The following OR6C74 variants were observed in gnomAD, a reference collection of about 807,000 sequenced individuals.
The protein encoded by OR6C74 is olfactory receptor family 6 subfamily C member 74, also known as olfactory receptor 6C74.
For synonymous variants in OR6C74, 142 were observed against 134.2 expected (o/e 1.06, Z -0.40); for missense variants, 361 against 362.9 (o/e 0.99, Z 0.04).
rs1408874148 is a variant in OR6C74 at position 55,254,383 on chromosome 12, A to G, written c.*6157A>G. Reference sequence around the variant, plus strand: ...TTATATTTACATATATGAAATACATACACACATATATGTAATTCCCAGTTG... The same window carrying G: ...TTATATTTACATATATGAAATACATGCACACATATATGTAATTCCCAGTTG... On this transcript the variant is annotated 3_prime_UTR_variant, in exon 2 of 2. Coordinates refer to ENST00000343399, the MANE Select transcript of OR6C74 (RefSeq NM_001005490.2). Among the ~76,000 whole-genome samples the G allele has an allele frequency of 6.6e-6, 1 of 152,142 alleles. No individual in the cohort carries two copies. The highest frequency in any genetic ancestry group is 2.4e-5 in the African/African-American group (1 of 41,456).
At position 55,248,321 on chromosome 12, in the gene OR6C74, A is replaced by C; in HGVS notation, c.*95A>C. The C allele has an allele frequency of 1.4e-6, 1 of 735,452 alleles. No individual in the cohort carries two copies. Among genetic ancestry groups the C allele is most frequent in the Non-Finnish European group, 2.2e-6 (1 of 461,464 alleles). The allele number at this position is 735,452 out of a possible 1,614,324, so 45.6% of individuals were successfully genotyped here. ...TTCAATGTTTGTATTCAATAATATTACCTCTTTTTTGACTTATAATTTTCA... is the reference window on the plus strand; with the variant it reads ...TTCAATGTTTGTATTCAATAATATTCCCTCTTTTTTGACTTATAATTTTCA... On this transcript the variant is annotated 3_prime_UTR_variant, in exon 2 of 2. Transcript: ENST00000343399.
At position 55,249,928 on chromosome 12, in the gene OR6C74, C is replaced by G. The variant is rs1167240828; in HGVS notation, c.*1702C>G. On this transcript the variant is annotated 3_prime_UTR_variant, in exon 2 of 2. Coordinates refer to ENST00000343399, the MANE Select transcript of OR6C74 (RefSeq NM_001005490.2). Reference sequence around the variant, plus strand: ...CTCTCCCCCCACCTCACAGCAGGCCCCGGTGTGTGATGTTCGCCTTCCTGT... The same window carrying G: ...CTCTCCCCCCACCTCACAGCAGGCCGCGGTGTGTGATGTTCGCCTTCCTGT... Among the ~76,000 whole-genome samples, 1 of 152,016 alleles carries G rather than the reference C, an allele frequency of 6.6e-6. No homozygotes were observed. The highest frequency in any genetic ancestry group is 1.5e-5 in the Non-Finnish European group (1 of 68,000).
rs1025952057 is a variant in OR6C74 at position 55,254,201 on chromosome 12, T to C, written c.*5975T>C. ...CTTCATTTCAAACCAGTGGTTACAATACTTTTTAAAGCTGCTAGCAAATAC... is the reference window on the plus strand; with the variant it reads ...CTTCATTTCAAACCAGTGGTTACAACACTTTTTAAAGCTGCTAGCAAATAC... On this transcript the variant is annotated 3_prime_UTR_variant, in exon 2 of 2. Transcript: ENST00000343399. Among the ~76,000 whole-genome samples the C allele has an allele frequency of 6.6e-6, 1 of 152,086 alleles. No individual in the cohort carries two copies. Among genetic ancestry groups the C allele is most frequent in the Non-Finnish European group, 1.5e-5 (1 of 67,960 alleles).
chr12:55,248,269 A>T lies in OR6C74; in HGVS notation c.*43A>T. The T allele has an allele frequency of 7.8e-7, 1 of 1,287,184 alleles. No homozygotes were observed. Among genetic ancestry groups the T allele is most frequent in the East Asian group, 2.4e-5 (1 of 41,586 alleles). The allele number at this position is 1,287,184 out of a possible 1,614,324, so 79.7% of individuals were successfully genotyped here. On this transcript the variant is annotated 3_prime_UTR_variant, in exon 2 of 2. Transcript: ENST00000343399. ...ATTAAGGTTATTAGTAAAATAAAAC[A>T]AGAAGAGTGGAGTATGTGCAAAGTT...
rs1954317983 is a variant in OR6C74 at position 55,252,516 on chromosome 12, T to A, written c.*4290T>A. Among the ~76,000 whole-genome samples the A allele has an allele frequency of 6.6e-6, 1 of 151,970 alleles. No individual in the cohort carries two copies. Among genetic ancestry groups the A allele is most frequent in the African/African-American group, 2.4e-5 (1 of 41,436 alleles). ...CAAATGTTTTAAAATATTAAAATGA[T>A]TATGTTTTCAAGTTTTCTAATGAGT... is the stretch of plus-strand genomic sequence containing the variant. On this transcript the variant is annotated 3_prime_UTR_variant, in exon 2 of 2. Transcript: ENST00000343399.
rs753631645 is a variant in OR6C74, at chr12:55,247,354, G to A, written c.67G>A (p.Val23Met). Reference protein sequence around the residue: ...LGLTDDPQLQVIIFLLLFFTY... With the variant: ...LGLTDDPQLQMIIFLLLFFTY... ...ACTGACAGATGATCCACAATTACAG[G>A]TGATTATTTTTCTTCTCCTTTTTTT... The change falls in exon 2 of 2, where the codon GTG becomes ATG. Residue 23 changes from valine to methionine, a missense_variant. Physicochemically the swap from Val to Met is conservative, Grantham distance 21. Transcript: ENST00000343399. The A allele has an allele frequency of 1.9e-6, 3 of 1,612,576 alleles. No homozygotes were observed. In the South Asian group the frequency reaches 3.3e-5, roughly 18 times the overall value.
In OR6C74 at chr12:55,252,061, A is replaced by G. The variant is rs1187180611; in HGVS notation, c.*3835A>G. Among the ~76,000 whole-genome samples the G allele has an allele frequency of 1.3e-5, 2 of 151,528 alleles. No homozygotes were observed. The highest frequency in any genetic ancestry group is 2.4e-5 in the African/African-American group (1 of 41,396). ...ACATTTATCAGTTTATAATTTATAT[A>G]TAAACAATAGTATAAAATATTTTGA... On this transcript the variant is annotated 3_prime_UTR_variant, in exon 2 of 2. Transcript: ENST00000343399.
Position 55,248,035 on chromosome 12 carries a change from TATGGC to T in OR6C74, c.750_754del (p.Tyr250Ter), listed in dbSNP as rs1425078745. 1.9e-6 allele frequency: 3 copies of T among 1,614,102 alleles called. No individual in the cohort carries two copies. Among genetic ancestry groups the T allele is most frequent in the Admixed American group, 1.7e-5 (1 of 60,026 alleles). On this transcript the variant is annotated frameshift_variant, in exon 2 of 2. Coordinates refer to ENST00000343399, the MANE Select transcript of OR6C74 (RefSeq NM_001005490.2). LOFTEE classifies it low-confidence loss of function (END_TRUNC). ...CCACATGGTGGTCGTGTCCATTTCT[TATGGC>T]AGCTGCATCTTCATGTATGTGAAAC...
At position 55,256,263 on chromosome 12, in the gene OR6C74, C is replaced by A. The variant is rs1954344314; in HGVS notation, c.*8037C>A. 1.3e-5 allele frequency among the ~76,000 whole-genome samples: 2 copies of A among 151,844 alleles called. No individual in the cohort carries two copies. The highest frequency in any genetic ancestry group is 4.8e-5 in the African/African-American group (2 of 41,346). ...CTTGTGTAGAGCCTATAAATGGACG[C>A]ATTGGGGGGGCACCTGTTCATATGG... On this transcript the variant is annotated 3_prime_UTR_variant, in exon 2 of 2. Coordinates refer to ENST00000343399, the MANE Select transcript of OR6C74 (RefSeq NM_001005490.2).
At position 55,246,493 on chromosome 12, in the gene OR6C74, T is replaced by C. The variant is rs142473328; in HGVS notation, c.-9-786T>C. On this transcript the variant is annotated intron_variant, in intron 1 of 1. Coordinates refer to ENST00000343399, the MANE Select transcript of OR6C74 (RefSeq NM_001005490.2). ...CCTCATTCTTCCAAGTAGCTGGGAT[T>C]ACAGGCACAAGCCACATTTTATTTT... 2.0e-5 allele frequency among the ~76,000 whole-genome samples: 3 copies of C among 152,312 alleles called. No individual in the cohort carries two copies. In the East Asian group the frequency reaches 5.8e-4, roughly 29 times the overall value.
At chr12:55,247,123 T>G in intron 1 of OR6C74, 156 bp from the exon 2 acceptor site, 1 of 497,212 alleles carries the variant, frequency 2.0e-6, no homozygotes, top group Non-Finnish European at 3.5e-6. Context: ...TAGCAACATT[T>G]TGAGTAAAAA....
chr12:55,246,571 T>G (rs1402391560), intron 1 of OR6C74, among the ~76,000 whole-genome samples: 1 of 152,210 alleles, frequency 6.6e-6, no homozygotes, highest in Non-Finnish European at 1.5e-5. Context: ...ATTCTGCAAA[T>G]GCACTACATA....
chr12:55,255,374 A>T lies in OR6C74; in HGVS notation c.*7148A>T, dbSNP rs997208720. Among the ~76,000 whole-genome samples the T allele has an allele frequency of 3.9e-5, 6 of 152,142 alleles. No individual in the cohort carries two copies. The highest frequency in any genetic ancestry group is 3.9e-4 in the Admixed American group (6 of 15,276). ...TATAAATTAGTTCAACCATTGTGGA[A>T]GACAGTGTGGTGATTCCTCAAGGAT... is the stretch of plus-strand genomic sequence containing the variant. On this transcript the variant is annotated 3_prime_UTR_variant, in exon 2 of 2. Coordinates refer to ENST00000343399, the MANE Select transcript of OR6C74 (RefSeq NM_001005490.2).
rs1194426165 is a variant in OR6C74 at position 55,250,351 on chromosome 12, C to A, written c.*2125C>A. ...TGAATGTATATTAAAAACTTTTTCT[C>A]CCCTTTTTTAATCCAAAAATGAATT... On this transcript the variant is annotated 3_prime_UTR_variant, in exon 2 of 2. Transcript: ENST00000343399. Among the ~76,000 whole-genome samples, 1 of 150,166 alleles carries A rather than the reference C, an allele frequency of 6.7e-6. No homozygotes were observed. The highest frequency in any genetic ancestry group is 2.5e-5 in the African/African-American group (1 of 39,598).
rs1328805856 is a variant in OR6C74, at chr12:55,253,364, C to T, written c.*5138C>T. Among the ~76,000 whole-genome samples, 1 of 151,982 alleles carries T rather than the reference C, an allele frequency of 6.6e-6. No individual in the cohort carries two copies. The highest frequency in any genetic ancestry group is 1.9e-4 in the East Asian group (1 of 5,174). ...TTCAATGGGTATGTGGATTAAGTCA[C>T]CACTCCTGCATCTTTGTTTTTTAAG... is the stretch of plus-strand genomic sequence containing the variant. On this transcript the variant is annotated 3_prime_UTR_variant, in exon 2 of 2. Coordinates refer to ENST00000343399, the MANE Select transcript of OR6C74 (RefSeq NM_001005490.2).
chr12:55,245,465 A>G (rs1954264229), intron 1 of OR6C74, among the ~76,000 whole-genome samples: 1 of 152,138 alleles, frequency 6.6e-6, no homozygotes, highest in African/African-American at 2.4e-5. Flanking sequence ...AATGTTATTT[A>G]AACATTTCAT....
intron 1 of OR6C74, among the ~76,000 whole-genome samples, chr12:55,246,373 A>G (rs1954269945): frequency 6.6e-6 from 1 of 152,138 alleles, no homozygotes; most frequent in Non-Finnish European, 1.5e-5. Context: ...ATTTATTTAT[A>G]GGCATGGTCT....
rs1444369155 is a variant in OR6C74 at position 55,255,650 on chromosome 12, G to C, written c.*7424G>C. Among the ~76,000 whole-genome samples, 2 of 152,232 alleles carry C rather than the reference G, an allele frequency of 1.3e-5. No homozygotes were observed. The highest frequency in any genetic ancestry group is 3.9e-4 in the East Asian group (2 of 5,176). On this transcript the variant is annotated 3_prime_UTR_variant, in exon 2 of 2. Transcript: ENST00000343399. ...AAACGATGAGTTCATATCCTTTGCA[G>C]GGACATGGATGATGCTGGAAACTAT...
rs1954292156 is a variant in OR6C74 at position 55,248,539 on chromosome 12, T to C, written c.*313T>C. Among the ~76,000 whole-genome samples, 2 of 152,218 alleles carry C rather than the reference T, an allele frequency of 1.3e-5. No individual in the cohort carries two copies. The highest frequency in any genetic ancestry group is 4.1e-4 in the South Asian group (2 of 4,832). ...TCAGTTTTTCCATGCTCTTTTCCAC[T>C]CTTCTGGAATTCAAGGACCCAATTT... is the stretch of plus-strand genomic sequence containing the variant. On this transcript the variant is annotated 3_prime_UTR_variant, in exon 2 of 2. Transcript: ENST00000343399.
Sources: allele counts gnomAD v4.1 joint callset (sites outside exome capture counted in the v4.1 genomes callset), GRCh38; gene constraint gnomAD v4.1.1; transcripts MANE v1.5; gene names NCBI Gene and HGNC (gene_info 2026-07-23, HGNC 2026-07-21).